PPP1R37: variants seen among roughly 807,000 people sequenced by gnomAD.
PPP1R37 encodes the protein leucine rich repeat containing 68.
A neutral mutation model predicts 61.0 loss-of-function variants in PPP1R37; 21 were observed. That is an observed-to-expected ratio of 0.34 (90% CI 0.24 to 0.50). The LOEUF (loss-of-function observed/expected upper bound fraction) is 0.50. Ranked by LOEUF, PPP1R37 falls within the 20% of genes least tolerant of loss-of-function variation. The probability of loss-of-function intolerance (pLI) is 0.98; values close to 1 mark genes in which losing one functional copy is unlikely to be tolerated. For synonymous variants in PPP1R37, 443 were observed against 433.5 expected (o/e 1.02, Z -0.27); for missense variants, 910 against 952.7 (o/e 0.96, Z 0.59).
chr19:45,145,297 G>A (rs950665006), intron 10 of PPP1R37, 37 bp downstream of exon 10: 33 of 1,520,936 alleles, frequency 2.2e-5, no homozygotes, highest in South Asian at 7.3e-5. Flanking sequence ...TGGGGCGGGC[G>A]GAAGGCCGGG....
intron 7 of PPP1R37, 24 bp downstream of exon 7, chr19:45,142,482 C>A (rs1968627066): frequency 1.3e-6 from 2 of 1,533,886 alleles, no homozygotes; most frequent in Non-Finnish European, 1.7e-6. Flanking sequence ...CCCACCCCAC[C>A]CACACCCGTC....
Position 45,123,248 on chromosome 19 carries a change from G to T in PPP1R37, c.203-15266G>T, listed in dbSNP as rs528321519. 5.1e-4 allele frequency among the ~76,000 whole-genome samples: 77 copies of T among 152,240 alleles called. No individual in the cohort carries two copies. In the South Asian group the frequency reaches 9.3e-3, roughly 18 times the overall value. On this transcript the variant is annotated intron_variant, in intron 1 of 12. Transcript: ENST00000221462. ...GGAGGCATTTGGGGGCTGTCCCAGG[G>T]GTGAGTGCACCCCAGGCTGGACCAG...
intron 1 of PPP1R37, among the ~76,000 whole-genome samples, chr19:45,117,103 G>A (rs539245318): frequency 2.2e-4 from 34 of 152,136 alleles, no homozygotes; most frequent in Non-Finnish European, 4.0e-4. Context: ...AGTAGAGATG[G>A]GGTTTCACCA....
chr19:45,135,500 A>G (rs1192007934), intron 1 of PPP1R37, among the ~76,000 whole-genome samples: 1 of 152,200 alleles, frequency 6.6e-6, no homozygotes, highest in Non-Finnish European at 1.5e-5. Flanking sequence ...ACCCTGTAAA[A>G]CAGCTACGCT....
chr19:45,110,028 T>A (rs1165920482), intron 1 of PPP1R37, among the ~76,000 whole-genome samples: 1 of 152,202 alleles, frequency 6.6e-6, no homozygotes, highest in Non-Finnish European at 1.5e-5. Context: ...GGCTTTTTTG[T>A]TCACCAGTGT....
intron 1 of PPP1R37, among the ~76,000 whole-genome samples, chr19:45,117,836 G>A (rs564438105): frequency 4.6e-5 from 7 of 152,336 alleles, no homozygotes; most frequent in South Asian, 2.1e-4. Flanking sequence ...GGCTGGCTCC[G>A]TAAGCCAGTG....
intron 1 of PPP1R37, among the ~76,000 whole-genome samples, chr19:45,111,715 G>A (rs1001869894): frequency 3.3e-5 from 5 of 152,084 alleles, no homozygotes; most frequent in African/African-American, 1.2e-4. Flanking sequence ...CTGTGGGTGG[G>A]TGGAGGGAGC....
At chr19:45,098,280 AG>A (rs1363231563) in intron 1 of PPP1R37, among the ~76,000 whole-genome samples, 3 of 152,332 alleles carry the variant, frequency 2.0e-5, no homozygotes, top group Admixed American at 2.0e-4. Flanking sequence ...GCTCTTCTGA[AG>A]GCCAAGGCCA....
At chr19:45,095,693 G>A (rs1365462510) in intron 1 of PPP1R37, among the ~76,000 whole-genome samples, 1 of 151,442 alleles carries the variant, frequency 6.6e-6, no homozygotes, top group African/African-American at 2.4e-5. Context: ...AGCCCAGGAG[G>A]TCGATAGTGC....
At chr19:45,144,738 CGAAA>C in intron 8 of PPP1R37, 112 bp from the exon 9 acceptor site, 1 of 898,844 alleles carries the variant, frequency 1.1e-6, no homozygotes, top group Non-Finnish European at 1.6e-6. Flanking sequence ...CGCAGGCGCG[CGAAA>C]GAAAAGGAGC....
At chr19:45,128,907 G>A (rs577946923) in intron 1 of PPP1R37, 76 of 695,462 alleles carry the variant, frequency 1.1e-4, no homozygotes, top group Admixed American at 5.9e-4. Flanking sequence ...GACCTTCTTC[G>A]TCTGCCAGAG....
intron 1 of PPP1R37, among the ~76,000 whole-genome samples, chr19:45,122,009 G>A (rs910768077): frequency 1.3e-5 from 2 of 152,260 alleles, no homozygotes; most frequent in Admixed American, 6.5e-5. Flanking sequence ...CAGAGGTAGC[G>A]AGGCCTTGGG....
rs1184995884 is a variant in PPP1R37, at chr19:45,096,844, G to A, written c.202+3317G>A. Among the ~76,000 whole-genome samples the A allele has an allele frequency of 3.9e-5, 6 of 152,162 alleles. No homozygotes were observed. The East Asian group carries it at 7.7e-4, about 20-fold the overall frequency. ...GACATGGACTGGACTGGAAGAATTG[G>A]TCCATCCTGTTTGGGAAGAGGGCTT... On this transcript the variant is annotated intron_variant, in intron 1 of 12. Transcript: ENST00000221462.
chr19:45,123,792 G>T (rs549890673), intron 1 of PPP1R37, among the ~76,000 whole-genome samples: 1 of 152,234 alleles, frequency 6.6e-6, no homozygotes, highest in African/African-American at 2.4e-5. Flanking sequence ...CACTACATGA[G>T]TAGCTTCTTG....
chr19:45,117,883 A>G (rs1968290910), intron 1 of PPP1R37, among the ~76,000 whole-genome samples: 3 of 152,146 alleles, frequency 2.0e-5, no homozygotes, highest in Admixed American at 2.0e-4. Context: ...GGCTCAGCTG[A>G]TGAGCCCGAG....
In PPP1R37 at chr19:45,138,534, G is replaced by T; in HGVS notation, c.223G>T (p.Glu75Ter). ...TGCAGCCCAGAATGTGACCGTGGAC[G>T]AGGTCATCGGCGCCTACAAGCAGGC... ...WRHAQNVTVD[E>*]VIGAYKQACQ... Residue 75 changes from glutamate to a stop codon, truncating the protein, a stop_gained, in exon 2 of 13, where the codon GAG becomes TAG. Transcript: ENST00000221462. LOFTEE classifies it high-confidence loss of function. 1 of 1,535,632 alleles carries T rather than the reference G, an allele frequency of 6.5e-7. No homozygotes were observed. Among genetic ancestry groups the T allele is most frequent in the Non-Finnish European group, 8.7e-7 (1 of 1,146,600 alleles).
intron 1 of PPP1R37, among the ~76,000 whole-genome samples, chr19:45,107,355 A>T (rs1242787957): frequency 6.6e-6 from 1 of 151,996 alleles, no homozygotes; most frequent in East Asian, 1.9e-4. Context: ...TAATCCCAGC[A>T]CTTTGGGAAG....
Position 45,093,415 on chromosome 19 carries a change from C to G in PPP1R37, c.90C>G (p.Pro30=), listed in dbSNP as rs1164481375. 2 of 1,534,500 alleles carry G rather than the reference C, an allele frequency of 1.3e-6. No homozygotes were observed. Among genetic ancestry groups the G allele is most frequent in the South Asian group, 1.2e-5 (1 of 83,932 alleles). ...EAPAEAGSPS[P]ASPPADGRLK... Reference sequence around the variant, plus strand: ...CAGCTGAGGCCGGGTCTCCCAGCCCCGCGTCGCCCCCCGCCGATGGGCGCC... The same window carrying G: ...CAGCTGAGGCCGGGTCTCCCAGCCCGGCGTCGCCCCCCGCCGATGGGCGCC... Residue 30 remains proline, a synonymous_variant, in exon 1 of 13, where the codon CCC becomes CCG. Transcript: ENST00000221462.
At position 45,130,576 on chromosome 19, in the gene PPP1R37, T is replaced by G. The variant is rs754367; in HGVS notation, c.203-7938T>G. Among the ~76,000 whole-genome samples the G allele has an allele frequency of 0.034, 5,212 of 152,112 alleles. 301 individuals carry two copies. Among genetic ancestry groups the G allele is most frequent in the African/African-American group, 0.12 (4,853 of 41,488 alleles). ...AGCCCGGTGGGGCCTCTGGGAACAC[T>G]CCTTTCAAGGCCAGCTCACCCTGGC... is the stretch of plus-strand genomic sequence containing the variant. On this transcript the variant is annotated intron_variant, in intron 1 of 12. Transcript: ENST00000221462. This position sits in a 1 kb window ranked among gnomAD's most constrained non-coding sequence, Gnocchi z 4.4.
Sources: allele counts gnomAD v4.1 joint callset (sites outside exome capture counted in the v4.1 genomes callset), GRCh38; gene constraint gnomAD v4.1.1; non-coding constraint Gnocchi (gnomAD v3.1); transcripts MANE v1.5; gene names NCBI Gene and HGNC (gene_info 2026-07-23, HGNC 2026-07-21).